RBFOX1: variants seen among roughly 807,000 people sequenced by gnomAD.
The protein encoded by RBFOX1 is RNA binding protein fox-1 homolog 1.
RBFOX1 carries 8 observed loss-of-function variants against 57.7 expected under a neutral mutation model. That is an observed-to-expected ratio of 0.14 (90% CI 0.08 to 0.25). The LOEUF is 0.25. Ranked by LOEUF, RBFOX1 falls within the 10% of genes least tolerant of loss-of-function variation. The probability of loss-of-function intolerance (pLI) is 1.00; values close to 1 mark genes in which losing one functional copy is unlikely to be tolerated. For missense variants in RBFOX1, 611 were observed against 548.5 expected, an observed-to-expected ratio of 1.11 and a Z score of -1.14; for synonymous variants, 326 against 222.4, an observed-to-expected ratio of 1.47 and a Z score of -4.15.
At chr16:6,515,050 A>G (rs1266251033) in intron 2 of RBFOX1, among the ~76,000 whole-genome samples, 3 of 152,162 alleles carry the variant, frequency 2.0e-5, no homozygotes, top group African/African-American at 7.2e-5. Context: ...TTTCTGAAGA[A>G]GTGAAGGAAG....
chr16:6,599,009 C>T (rs2097812628), intron 2 of RBFOX1, among the ~76,000 whole-genome samples: 1 of 152,100 alleles, frequency 6.6e-6, no homozygotes, highest in African/African-American at 2.4e-5. Flanking sequence ...CGTAAGGTGA[C>T]AACTGACAAG....
At chr16:6,908,347 G>T (rs561869928) in intron 3 of RBFOX1, among the ~76,000 whole-genome samples, 14 of 147,078 alleles carry the variant, frequency 9.5e-5, no homozygotes, top group Admixed American at 9.3e-4. Context: ...AAGTTACTCT[G>T]CCTTTGCACC....
At chr16:5,321,743 G>A (rs916771814) in intron 1 of RBFOX1, among the ~76,000 whole-genome samples, 28 of 152,280 alleles carry the variant, frequency 1.8e-4, no homozygotes, top group African/African-American at 6.5e-4. Flanking sequence ...GGTGGTTTGA[G>A]TAAATGGAAA....
chr16:6,915,768 C>T (rs753097040), intron 3 of RBFOX1, among the ~76,000 whole-genome samples: 30 of 152,012 alleles, frequency 2.0e-4, no homozygotes, highest in Non-Finnish European at 3.8e-4. Flanking sequence ...CCCATGCTGC[C>T]CTCAAGCACC....
chr16:6,812,160 A>C (rs1308893120), intron 3 of RBFOX1, among the ~76,000 whole-genome samples: 1 of 152,194 alleles, frequency 6.6e-6, no homozygotes, highest in Non-Finnish European at 1.5e-5. Context: ...AATGATTTTC[A>C]AGTAAAGGCC....
intron 3 of RBFOX1, among the ~76,000 whole-genome samples, chr16:6,778,111 A>G (rs1041159871): frequency 1.3e-5 from 2 of 151,964 alleles, no homozygotes; most frequent in Non-Finnish European, 2.9e-5. Flanking sequence ...TTGCGAATAC[A>G]TGATCTGGAT....
chr16:5,577,703 C>T (rs1228384363), intron 2 of RBFOX1, among the ~76,000 whole-genome samples: 1 of 152,120 alleles, frequency 6.6e-6, no homozygotes, highest in African/African-American at 2.4e-5. Context: ...CATCATAGCC[C>T]CAGTGAGGTC....
At chr16:5,622,501 G>C (rs957745017) in intron 3 of RBFOX1, among the ~76,000 whole-genome samples, 2 of 152,188 alleles carry the variant, frequency 1.3e-5, no homozygotes, top group Non-Finnish European at 2.9e-5. Flanking sequence ...GGAGATCTTC[G>C]TTCATGCCTG....
chr16:7,182,777 T>G (rs2082979324), intron 4 of RBFOX1, among the ~76,000 whole-genome samples: 1 of 152,184 alleles, frequency 6.6e-6, no homozygotes, highest in African/African-American at 2.4e-5. Flanking sequence ...CACCCCTGAC[T>G]TAGCACTTTG....
chr16:7,209,447 C>A (rs1241563205), intron 4 of RBFOX1, among the ~76,000 whole-genome samples: 2 of 152,174 alleles, frequency 1.3e-5, no homozygotes, highest in African/African-American at 4.8e-5. Context: ...TTAAAAGCCC[C>A]TGCTATCATT....
At chr16:6,517,077 C>A (rs537970853) in intron 2 of RBFOX1, among the ~76,000 whole-genome samples, 1 of 152,238 alleles carries the variant, frequency 6.6e-6, no homozygotes, top group South Asian at 2.1e-4. Context: ...AGGTGGAAGG[C>A]ATGTCCAAGG....
intron 3 of RBFOX1, among the ~76,000 whole-genome samples, chr16:6,716,462 C>T (rs1232255737): frequency 6.6e-6 from 1 of 152,020 alleles, no homozygotes; most frequent in African/African-American, 2.4e-5. Context: ...ATTGCATTTT[C>T]CATATTTTTG....
chr16:7,578,412 T>C (rs1033513871), intron 5 of RBFOX1, among the ~76,000 whole-genome samples: 1 of 152,224 alleles, frequency 6.6e-6, no homozygotes, highest in Non-Finnish European at 1.5e-5. Flanking sequence ...GTTTGCCAGC[T>C]AACAAGATGT....
At chr16:7,671,492 T>TTATGCATTCTCTTTTATTTA (rs1257755718) in intron 13 of RBFOX1, 1 of 1,424,336 alleles carries the variant, frequency 7.0e-7, no homozygotes, top group Non-Finnish European at 9.8e-7. Context: ...TTTGTCTGAC[T>TTATGCATTCTCTTTTATTTA]TATGCATTCT....
chr16:7,148,030 G>T (rs186694471), intron 4 of RBFOX1, among the ~76,000 whole-genome samples: 2 of 152,280 alleles, frequency 1.3e-5, no homozygotes, highest in East Asian at 3.9e-4. Context: ...TTCAAGATCA[G>T]AGGCCAAATG....
intron 1 of RBFOX1, among the ~76,000 whole-genome samples, chr16:6,046,023 C>A (rs2095491694): frequency 1.3e-5 from 2 of 152,178 alleles, no homozygotes; most frequent in African/African-American, 4.8e-5. Context: ...ACGTCTCATG[C>A]AGAGGATAAG....
intron 10 of RBFOX1, among the ~76,000 whole-genome samples, chr16:7,618,893 T>C (rs529897961): frequency 1.8e-4 from 27 of 152,316 alleles, no homozygotes; most frequent in African/African-American, 5.8e-4. Context: ...AGTCGACATA[T>C]TGGTTTATGA....
chr16:7,156,941 C>T (rs900145981), intron 4 of RBFOX1, among the ~76,000 whole-genome samples: 2 of 152,134 alleles, frequency 1.3e-5, no homozygotes, highest in African/African-American at 4.8e-5. Context: ...ATAACCTGTT[C>T]TCTTTACAGC....
chr16:6,797,570 C>A (rs959653370), intron 3 of RBFOX1, among the ~76,000 whole-genome samples: 1 of 152,092 alleles, frequency 6.6e-6, no homozygotes, highest in Non-Finnish European at 1.5e-5. Flanking sequence ...GTAAAAGAAG[C>A]ACTTTCCATT....
Sources: allele counts gnomAD v4.1 joint callset (sites outside exome capture counted in the v4.1 genomes callset), GRCh38; gene constraint gnomAD v4.1.1; transcripts MANE v1.5; gene names NCBI Gene and HGNC (gene_info 2026-07-23, HGNC 2026-07-21).